ANKRD33B: variants seen among roughly 807,000 people sequenced by gnomAD.
ANKRD33B encodes the protein ankyrin repeat domain-containing protein 33B.
ANKRD33B carries 6 observed loss-of-function variants against 21.5 expected under a neutral mutation model. The ratio of observed to expected loss-of-function variants is 0.28; its 90% CI spans 0.15 to 0.55. ANKRD33B has a LOEUF of 0.55. Ranked by LOEUF, ANKRD33B falls within the 20% of genes least tolerant of loss-of-function variation. ANKRD33B has a pLI of 0.94. For synonymous variants in ANKRD33B, 347 were observed against 342.4 expected (o/e 1.01, Z -0.15); for missense variants, 698 against 747.2 (o/e 0.93, Z 0.77).
intron 1 of ANKRD33B, among the ~76,000 whole-genome samples, chr5:10,604,677 T>C (rs2126571275): frequency 6.6e-6 from 1 of 152,182 alleles, no homozygotes; most frequent in Non-Finnish European, 1.5e-5. Context: ...AATAATAAAA[T>C]ACTAATATGT....
At position 10,614,025 on chromosome 5, in the gene ANKRD33B, G is replaced by GTA. The variant is rs1553992867; in HGVS notation, c.367-4305_367-4304dup. Among the ~76,000 whole-genome samples, 377 of 150,550 alleles carry GTA rather than the reference G, an allele frequency of 2.5e-3. 1 individual carries two copies. The highest frequency in any genetic ancestry group is 5.0e-3 in the South Asian group (24 of 4,770). On this transcript the variant is annotated intron_variant, in intron 1 of 3. Coordinates refer to ENST00000296657, the MANE Select transcript of ANKRD33B (RefSeq NM_001164440.2). ...TGTGTGTGTGTGTGTGTGTGTGTGT[G>GTA]TATAAACATATATGTAGAGAAGGAG... is the stretch of plus-strand genomic sequence containing the variant.
intron 1 of ANKRD33B, among the ~76,000 whole-genome samples, chr5:10,612,393 C>T (rs563697432): frequency 6.6e-6 from 1 of 152,328 alleles, no homozygotes; most frequent in Non-Finnish European, 1.5e-5. Context: ...TGTATAAGGG[C>T]ACCAATCCTA....
intron 3 of ANKRD33B, among the ~76,000 whole-genome samples, chr5:10,643,501 G>A (rs1353506349): frequency 1.3e-5 from 2 of 152,050 alleles, no homozygotes; most frequent in African/African-American, 4.8e-5. Context: ...CGCTTGTTCT[G>A]TATTCCTCCC....
intron 3 of ANKRD33B, among the ~76,000 whole-genome samples, chr5:10,643,819 C>CAAAAA (rs374365829): frequency 2.2e-5 from 2 of 89,560 alleles, no homozygotes; most frequent in African/African-American, 4.7e-5. Flanking sequence ...GACTCTGTCT[C>CAAAAA]AAAAAAAAAA....
Position 10,650,513 on chromosome 5 carries a change from T to C in ANKRD33B, c.*400T>C, listed in dbSNP as rs1737325842. 1 of 154,632 alleles carries C rather than the reference T, an allele frequency of 6.5e-6. No individual in the cohort carries two copies. The highest frequency in any genetic ancestry group is 1.4e-5 in the Non-Finnish European group (1 of 69,698). The allele number at this position is 154,632 out of a possible 1,614,324, so 9.6% of individuals were successfully genotyped here. A position where few individuals can be genotyped will look rare whatever the true frequency, so the allele number is the denominator to read the frequency against. On this transcript the variant is annotated 3_prime_UTR_variant, in exon 4 of 4. Coordinates refer to ENST00000296657, the MANE Select transcript of ANKRD33B (RefSeq NM_001164440.2). ...TATATCCAAGGCAGTTTTAATACAC[T>C]TGCCTGAAGACCTTTTGTTTAAGAT...
At chr5:10,623,524 A>G (rs1358029455) in intron 2 of ANKRD33B, among the ~76,000 whole-genome samples, 1 of 152,228 alleles carries the variant, frequency 6.6e-6, no homozygotes, top group Non-Finnish European at 1.5e-5. Context: ...CCCCTCCGTC[A>G]GGACCTAATC....
intron 1 of ANKRD33B, among the ~76,000 whole-genome samples, chr5:10,614,751 G>T (rs924885112): frequency 1.3e-5 from 2 of 152,174 alleles, no homozygotes. Context: ...GCCGGGCTTG[G>T]TGGCAGGCAC....
At chr5:10,643,337 G>C (rs1022956965) in intron 3 of ANKRD33B, among the ~76,000 whole-genome samples, 3 of 152,110 alleles carry the variant, frequency 2.0e-5, no homozygotes, top group Non-Finnish European at 2.9e-5. Context: ...CACCTCTTCA[G>C]TTGTGACAAC....
intron 1 of ANKRD33B, among the ~76,000 whole-genome samples, chr5:10,593,361 T>C (rs992887999): frequency 1.3e-5 from 2 of 152,190 alleles, no homozygotes; most frequent in African/African-American, 4.8e-5. Context: ...CAAAAACCTG[T>C]ACCATCAATG....
In ANKRD33B at chr5:10,650,123, T is replaced by C; in HGVS notation, c.*10T>C. ...GAAGAAGAGGACGTGAGGGCCCGTGTGCCTGGCGCTGGGGCCGGGGCTGGG... is the reference window on the plus strand; with the variant it reads ...GAAGAAGAGGACGTGAGGGCCCGTGCGCCTGGCGCTGGGGCCGGGGCTGGG... On this transcript the variant is annotated 3_prime_UTR_variant, in exon 4 of 4. Coordinates refer to ENST00000296657, the MANE Select transcript of ANKRD33B (RefSeq NM_001164440.2). 6.8e-7 allele frequency: 1 copy of C among 1,463,776 alleles called. No individual in the cohort carries two copies. The highest frequency in any genetic ancestry group is 9.0e-7 in the Non-Finnish European group (1 of 1,107,320). The allele number at this position is 1,463,776 out of a possible 1,614,324, so 90.7% of individuals were successfully genotyped here. A position where few individuals can be genotyped will look rare whatever the true frequency, so the allele number is the denominator to read the frequency against.
intron 1 of ANKRD33B, among the ~76,000 whole-genome samples, chr5:10,577,491 C>G (rs1735349865): frequency 6.6e-6 from 1 of 152,298 alleles, no homozygotes; most frequent in South Asian, 2.1e-4. Context: ...CTGGGTCTTG[C>G]AGGGACTGAT....
rs1368507474 is a variant in ANKRD33B at position 10,651,823 on chromosome 5, T to G, written c.*1710T>G. 2.6e-5 allele frequency: 4 copies of G among 152,320 alleles called. No homozygotes were observed. Among genetic ancestry groups the G allele is most frequent in the African/African-American group, 9.7e-5 (4 of 41,408 alleles). The allele number at this position is 152,320 out of a possible 1,614,324, so 9.4% of individuals were successfully genotyped here. ...ATCTTAAACTGGCCTCTCCAAATAC[T>G]CCATTGAACAGGACTGCAGGCTGCA... On this transcript the variant is annotated 3_prime_UTR_variant, in exon 4 of 4. Coordinates refer to ENST00000296657, the MANE Select transcript of ANKRD33B (RefSeq NM_001164440.2).
At chr5:10,638,993 G>T (rs1323317995) in intron 3 of ANKRD33B, among the ~76,000 whole-genome samples, 1 of 77,956 alleles carries the variant, frequency 1.3e-5, no homozygotes, top group Admixed American at 1.1e-4. Context: ...ACGCGGAGTT[G>T]CGCGGCGATG....
chr5:10,614,595 G>A (rs748402093), intron 1 of ANKRD33B, among the ~76,000 whole-genome samples: 4 of 151,828 alleles, frequency 2.6e-5, no homozygotes, highest in Non-Finnish European at 5.9e-5. Flanking sequence ...AATATAATAA[G>A]TGATGTTCTG....
intron 1 of ANKRD33B, among the ~76,000 whole-genome samples, chr5:10,615,459 G>A (rs1288323156): frequency 2.0e-5 from 3 of 152,188 alleles, no homozygotes; most frequent in African/African-American, 7.2e-5. Flanking sequence ...ATAGGGATTT[G>A]TTAAATAATG....
intron 1 of ANKRD33B, among the ~76,000 whole-genome samples, chr5:10,591,194 GGTTTTTTT>G (rs1338766023): frequency 1.8e-5 from 2 of 113,456 alleles, no homozygotes; most frequent in African/African-American, 3.2e-5. Context: ...TTTTTTTAGT[GGTTTTTTT>G]TTTTTTTTGA....
At position 10,619,629 on chromosome 5, in the gene ANKRD33B, G is replaced by A. The variant is rs560866697; in HGVS notation, c.496+1167G>A. Among the ~76,000 whole-genome samples, 81 of 152,216 alleles carry A rather than the reference G, an allele frequency of 5.3e-4. No individual in the cohort carries two copies. Among genetic ancestry groups the A allele is most frequent in the Non-Finnish European group, 1.0e-3 (69 of 68,044 alleles). ...AAACTTAGAAAGGGCCAGGGGCTGT[G>A]CTAACATGTGTTCACCTCCTCAGGT... On this transcript the variant is annotated intron_variant, in intron 2 of 3. Coordinates refer to ENST00000296657, the MANE Select transcript of ANKRD33B (RefSeq NM_001164440.2). This position sits in a 1 kb window ranked among gnomAD's most constrained non-coding sequence, Gnocchi z 4.5.
intron 1 of ANKRD33B, among the ~76,000 whole-genome samples, chr5:10,586,440 G>C (rs1041548133): frequency 8.6e-5 from 13 of 151,130 alleles, no homozygotes; most frequent in African/African-American, 2.9e-4. Flanking sequence ...TTCTTGTTTA[G>C]ACCTGATACA....
intron 1 of ANKRD33B, among the ~76,000 whole-genome samples, chr5:10,580,599 C>T (rs1735423604): frequency 6.6e-6 from 1 of 152,176 alleles, no homozygotes. Context: ...TGTCTGTTCT[C>T]TCTCACTCTT....
Sources: allele counts gnomAD v4.1 joint callset (sites outside exome capture counted in the v4.1 genomes callset), GRCh38; gene constraint gnomAD v4.1.1; non-coding constraint Gnocchi (gnomAD v3.1); transcripts MANE v1.5; gene names NCBI Gene and HGNC (gene_info 2026-07-23, HGNC 2026-07-21).